The following SLC12A7 variants were observed in gnomAD, a reference collection of about 807,000 sequenced individuals.
SLC12A7 encodes the protein K-Cl cotransporter 4.
In SLC12A7, 100 loss-of-function variants were observed where a neutral mutation model predicts 120.6. That is an observed-to-expected ratio of 0.83 (90% confidence interval 0.71 to 0.98). SLC12A7 has a LOEUF of 0.98. Among genes scored for constraint, SLC12A7 ranks in the 50% least tolerant of loss-of-function variants. The probability of loss-of-function intolerance (pLI) is 0.00; values close to 1 mark genes in which losing one functional copy is unlikely to be tolerated. For synonymous variants in SLC12A7, 760 were observed against 678.0 expected, an observed-to-expected ratio of 1.12 and a Z score of -1.88; for missense variants, 1,373 against 1,548.1, an observed-to-expected ratio of 0.89 and a Z score of 1.90.
Position 1,077,821 on chromosome 5 carries a change from T to G in SLC12A7, c.1629+12A>C, listed in dbSNP as rs1056026922. 5.1e-6 allele frequency: 8 copies of G among 1,568,962 alleles called. No individual in the cohort carries two copies. The highest frequency in any genetic ancestry group is 6.9e-6 in the Non-Finnish European group (8 of 1,158,160). Reference sequence around the variant, plus strand: ...CCTTCCAGGGTCCCCCCGACGAGGGTGCGGGACTCACCTGCAGGAAGGGGA... The same window carrying G: ...CCTTCCAGGGTCCCCCCGACGAGGGGGCGGGACTCACCTGCAGGAAGGGGA... On this transcript the variant is annotated intron_variant, in intron 12 of 23. Coordinates refer to ENST00000264930, the MANE Select transcript of SLC12A7 (RefSeq NM_006598.3).
chr5:1,105,890 C>T (rs1194638699), intron 1 of SLC12A7, among the ~76,000 whole-genome samples: 3 of 152,230 alleles, frequency 2.0e-5, no homozygotes, highest in Non-Finnish European at 4.4e-5. Context: ...CCCAGCCCCA[C>T]TGGGCTCCAC....
chr5:1,115,889 G>GGGAGGAGAGGGAAGGGA (rs1421911065), upstream of SLC12A7, among the ~76,000 whole-genome samples: 1 of 152,050 alleles, frequency 6.6e-6, no homozygotes, highest in African/African-American at 2.4e-5. Context: ...GGAGAGGGAA[G>GGGAGGAGAGGGAAGGGA]GGAGGCCCCA....
At chr5:1,064,840 A>G (rs1184019278) in intron 18 of SLC12A7, among the ~76,000 whole-genome samples, 36 of 16,062 alleles carry the variant, frequency 2.2e-3, no homozygotes, top group Admixed American at 4.1e-3. Context: ...GGGACGGCGA[A>G]GCGACGGCGA....
chr5:1,094,790 C>T (rs932813851), intron 1 of SLC12A7, among the ~76,000 whole-genome samples: 9 of 152,174 alleles, frequency 5.9e-5, no homozygotes, highest in East Asian at 1.9e-4. Flanking sequence ...TTGAGGACGC[C>T]GCCCACAGGC....
At chr5:1,142,343 C>CCTCTCCCCTCTCT in the SLC12A7 span, among the ~76,000 whole-genome samples, 1 of 84,744 alleles carries the variant, frequency 1.2e-5, no homozygotes, top group African/African-American at 6.3e-5. Flanking sequence ...CTCCCCTCTC[C>CCTCTCCCCTCTCT]CCTCTTCCCT....
At chr5:1,079,045 G>A (rs527939691) in intron 10 of SLC12A7, among the ~76,000 whole-genome samples, 31 of 152,300 alleles carry the variant, frequency 2.0e-4, no homozygotes, top group Admixed American at 5.2e-4. Context: ...AGGGGACCAT[G>A]CTGAGGGGAC....
chr5:1,090,661 G>A (rs1740393655), intron 3 of SLC12A7, among the ~76,000 whole-genome samples: 1 of 152,340 alleles, frequency 6.6e-6, no homozygotes, highest in South Asian at 2.1e-4. Flanking sequence ...GACAGGCAGA[G>A]CTCCAGGCAG....
chr5:1,140,194 A>G, the SLC12A7 span, among the ~76,000 whole-genome samples: 1 of 152,210 alleles, frequency 6.6e-6, no homozygotes. Flanking sequence ...CAGCCGCTGC[A>G]GCCCCGGCCC....
intron 1 of SLC12A7, among the ~76,000 whole-genome samples, chr5:1,108,029 TACAC>T (rs59652318): frequency 6.6e-6 from 1 of 151,378 alleles, no homozygotes; most frequent in Admixed American, 6.6e-5. Context: ...AACACACACA[TACAC>T]ACACACACGT....
chr5:1,143,117 C>G, the SLC12A7 span, among the ~76,000 whole-genome samples: 1 of 152,330 alleles, frequency 6.6e-6, no homozygotes, highest in Admixed American at 6.5e-5. Context: ...GCAACATGCC[C>G]CTCCATCCGC....
At chr5:1,085,069 G>A (rs990483119) in intron 7 of SLC12A7, among the ~76,000 whole-genome samples, 163 bp downstream of exon 7, 12 of 152,220 alleles carry the variant, frequency 7.9e-5, no homozygotes, top group Non-Finnish European at 2.9e-5. Flanking sequence ...TGGGTTTCCT[G>A]TAATCCCCAG....
chr5:1,065,567 C>T, intron 17 of SLC12A7, 89 bp from the exon 18 acceptor site: 1 of 1,155,914 alleles, frequency 8.7e-7, no homozygotes, highest in Non-Finnish European at 1.2e-6. Flanking sequence ...GCACCCGCAC[C>T]ACCTCCCCTG....
chr5:1,060,538 C>T, intron 20 of SLC12A7, 87 bp from the exon 21 acceptor site: 1 of 1,063,552 alleles, frequency 9.4e-7, no homozygotes, highest in South Asian at 1.3e-5. Flanking sequence ...GAGACCGAGC[C>T]GCCCTGAGCG....
At chr5:1,140,151 G>A in the SLC12A7 span, among the ~76,000 whole-genome samples, 2 of 152,298 alleles carry the variant, frequency 1.3e-5, no homozygotes, top group African/African-American at 4.8e-5. Context: ...CCCCAGAAAC[G>A]CTGTTTCCCA....
chr5:1,141,390 A>T, the SLC12A7 span, among the ~76,000 whole-genome samples: 2 of 152,210 alleles, frequency 1.3e-5, no homozygotes, highest in Admixed American at 6.5e-5. Flanking sequence ...TAATGGAGAG[A>T]TGTCACTGAG....
At chr5:1,080,693 T>TG (rs1285266844) in intron 9 of SLC12A7, among the ~76,000 whole-genome samples, 2 of 152,150 alleles carry the variant, frequency 1.3e-5, no homozygotes, top group East Asian at 3.9e-4. Flanking sequence ...CCCCACCCCC[T>TG]GGGGAACAAC....
chr5:1,121,037 C>T, the SLC12A7 span, among the ~76,000 whole-genome samples: 9 of 152,198 alleles, frequency 5.9e-5, no homozygotes, highest in East Asian at 1.9e-4. Flanking sequence ...ATGTGCTGCA[C>T]GGTAGACTCG....
the SLC12A7 span, among the ~76,000 whole-genome samples, chr5:1,138,157 A>G: frequency 1.3e-5 from 2 of 152,102 alleles, no homozygotes; most frequent in Admixed American, 6.5e-5. Flanking sequence ...GGACCCAAAG[A>G]GTGAGCAGCA....
In SLC12A7 at chr5:1,085,442, T is replaced by A. The variant is rs1739733627; in HGVS notation, c.707A>T (p.Gln236Leu). 2 of 1,609,384 alleles carry A rather than the reference T, an allele frequency of 1.2e-6. No homozygotes were observed. The highest frequency in any genetic ancestry group is 1.7e-6 in the Non-Finnish European group (2 of 1,178,488). The part of the protein sequence containing the change: ...TYISPGAAIF[Q>L]AEAAGGEAAA... ...CGCCTCGCCACCTGCAGCCTCCGCC[T>A]GGAAGATGGCCGCACCCGGGGAGAT... The change falls in exon 7 of 24, where the codon CAG (glutamine) becomes CTG (leucine). Residue 236 changes from glutamine to leucine, a missense_variant. Coordinates refer to ENST00000264930, the MANE Select transcript of SLC12A7 (RefSeq NM_006598.3).
Sources: gnomAD v4.1 joint callset for allele counts (sites outside exome capture counted in the v4.1 genomes callset) on GRCh38, gnomAD v4.1.1 for gene constraint, MANE v1.5 for transcripts, NCBI Gene and HGNC (gene_info 2026-07-23, HGNC 2026-07-21) for gene names.